Variants in ZNF248 observed in about 807,000 individuals in gnomAD.
The protein encoded by ZNF248 is KRAB protein domain.
In ZNF248, 20 loss-of-function variants were observed where a neutral mutation model predicts 44.3. The observed-to-expected ratio is 0.45, with a 90% CI of 0.32 to 0.66. ZNF248 has a LOEUF of 0.66. Ranked by LOEUF, ZNF248 falls within the 30% of genes least tolerant of loss-of-function variation. The pLI, the probability that ZNF248 is intolerant of heterozygous loss-of-function variation, is 0.04. For missense variants in ZNF248, 654 were observed against 677.0 expected, an observed-to-expected ratio of 0.97 and a Z score of 0.38; for synonymous variants, 224 against 229.0, an observed-to-expected ratio of 0.98 and a Z score of 0.20.
chr10:37,855,006 G>T (rs920604361), intron 3 of ZNF248, among the ~76,000 whole-genome samples: 1 of 152,332 alleles, frequency 6.6e-6, no homozygotes, highest in Admixed American at 6.5e-5. Context: ...TTAAAAAGAT[G>T]CCAGGAATGC....
chr10:37,834,425 A>C (rs2056656517), intron 5 of ZNF248, among the ~76,000 whole-genome samples: 1 of 152,208 alleles, frequency 6.6e-6, no homozygotes, highest in Non-Finnish European at 1.5e-5. Flanking sequence ...ACGAAGACAA[A>C]ATATGGGAAT....
In ZNF248 at chr10:37,819,855, C is replaced by T. The variant is rs2053170924; in HGVS notation, c.330+13170G>A. On this transcript the variant is annotated intron_variant, in intron 6 of 6. Coordinates refer to the ZNF248 transcript ENST00000615949. The stretch of plus-strand genomic sequence containing the variant: ...AACATTTTCCGTTGTCTATCTCTTC[C>T]CTCTGTGAATTTATCCTTTTCTGAT... The T allele has an allele frequency of 3.1e-5, 24 of 785,958 alleles. 1 individual carries two copies. The highest frequency in any genetic ancestry group is 2.4e-4 in the South Asian group (18 of 74,464). The allele number at this position is 785,958 out of a possible 1,614,324, so 48.7% of individuals were successfully genotyped here. A position where few individuals can be genotyped will look rare whatever the true frequency, so the allele number is the denominator to read the frequency against.
At chr10:37,802,631 G>C (rs1041914955) in intron 6 of ZNF248, among the ~76,000 whole-genome samples, 1 of 152,086 alleles carries the variant, frequency 6.6e-6, no homozygotes, top group Non-Finnish European at 1.5e-5. Context: ...AAATGCCCTG[G>C]CTGTACTGTT....
intron 6 of ZNF248, chr10:37,791,674 GA>G (rs1365859364): frequency 6.6e-6 from 1 of 152,138 alleles, no homozygotes; most frequent in Non-Finnish European, 1.5e-5. Context: ...ACAAAAAGAA[GA>G]AAGCCATTTG....
chr10:37,849,998 G>A (rs2059964411), intron 3 of ZNF248, among the ~76,000 whole-genome samples: 1 of 152,030 alleles, frequency 6.6e-6, no homozygotes, highest in Non-Finnish European at 1.5e-5. Context: ...TTGAACCTGG[G>A]GGGCAGAGGT....
At position 37,803,085 on chromosome 10, in the gene ZNF248, G is replaced by A. The variant is rs143375341; in HGVS notation, c.331-26510C>T. 5.6e-3 allele frequency: 850 copies of A among 152,286 alleles called. 3 individuals carry two copies. The highest frequency in any genetic ancestry group is 7.2e-3 in the Non-Finnish European group (489 of 68,082). The allele number at this position is 152,286 out of a possible 1,614,324, so 9.4% of individuals were successfully genotyped here. ...GCAGTCCTCCCATGTCGGCCTCCCA[G>A]AGTGCTGGGATTACAGGCATGAGCC... is the stretch of plus-strand genomic sequence containing the variant. On this transcript the variant is annotated intron_variant, in intron 6 of 6. Coordinates refer to the ZNF248 transcript ENST00000615949.
chr10:37,837,489 A>G (rs2057462702), intron 5 of ZNF248, 128 bp downstream of exon 5: 1 of 712,626 alleles, frequency 1.4e-6, no homozygotes, highest in Non-Finnish European at 2.3e-6. Flanking sequence ...ATTGTTTTTG[A>G]TCATTTCCAA....
chr10:37,820,014 T>C (rs998949801), intron 6 of ZNF248: 1 of 784,844 alleles, frequency 1.3e-6, no homozygotes, highest in Non-Finnish European at 2.3e-6. Flanking sequence ...TCTTCTCTTT[T>C]TGACTTTTCT....
At chr10:37,768,958 G>C in the ZNF248 span, among the ~76,000 whole-genome samples, 3 of 152,168 alleles carry the variant, frequency 2.0e-5, no homozygotes, top group African/African-American at 4.8e-5. Flanking sequence ...TGATCCCATA[G>C]AAATACAAAC....
downstream of ZNF248, among the ~76,000 whole-genome samples, chr10:37,826,366 G>A (rs1161038426): frequency 6.6e-6 from 1 of 152,154 alleles, no homozygotes; most frequent in African/African-American, 2.4e-5. Context: ...GTAAAGTCAT[G>A]TCAGTGATTT....
chr10:37,804,652 G>T (rs538348123), intron 6 of ZNF248, among the ~76,000 whole-genome samples: 2 of 152,160 alleles, frequency 1.3e-5, no homozygotes, highest in African/African-American at 2.4e-5. Flanking sequence ...GGCCAGGCTG[G>T]TCTCGAACTC....
intron 6 of ZNF248, among the ~76,000 whole-genome samples, chr10:37,780,699 C>G (rs2132877183): frequency 6.6e-6 from 1 of 152,270 alleles, no homozygotes. Context: ...CGCGCGGGGC[C>G]TGGACGCGCG....
intron 6 of ZNF248, chr10:37,820,513 T>C: frequency 1.2e-6 from 2 of 1,601,390 alleles, no homozygotes. Flanking sequence ...AATGTTGCGG[T>C]GAGGATCGTG....
intron 6 of ZNF248, among the ~76,000 whole-genome samples, chr10:37,816,472 A>G (rs574547958): frequency 1.3e-5 from 2 of 152,112 alleles, no homozygotes; most frequent in Non-Finnish European, 2.9e-5. Flanking sequence ...CGTAACCACA[A>G]TTTGCCATAC....
intron 3 of ZNF248, among the ~76,000 whole-genome samples, chr10:37,840,663 AT>A (rs960542613): frequency 2.0e-5 from 3 of 152,108 alleles, no homozygotes; most frequent in African/African-American, 7.2e-5. Flanking sequence ...CACACCTGTA[AT>A]CCCAGCTACT....
chr10:37,831,009 T>G lies in ZNF248; in HGVS notation c.*606A>C. 1.2e-6 allele frequency: 1 copy of G among 855,562 alleles called. No individual in the cohort carries two copies. The highest frequency in any genetic ancestry group is 1.5e-6 in the Non-Finnish European group (1 of 666,178). The allele number at this position is 855,562 out of a possible 1,614,324, so 53.0% of individuals were successfully genotyped here. A position where few individuals can be genotyped will look rare whatever the true frequency, so the allele number is the denominator to read the frequency against. On this transcript the variant is annotated 3_prime_UTR_variant, in exon 6 of 6. Transcript: ENST00000395867. ...GGTTATACTAGCACATCACTATATT[T>G]AAGTATGTGTGTAGAAATATATTTA...
downstream of ZNF248, among the ~76,000 whole-genome samples, chr10:37,773,963 A>T (rs1266084786): frequency 6.6e-6 from 1 of 151,004 alleles, no homozygotes; most frequent in Non-Finnish European, 1.5e-5. Context: ...CCCTATAATC[A>T]CATAAACCAA....
At chr10:37,790,688 G>A (rs1464872598) in intron 6 of ZNF248, among the ~76,000 whole-genome samples, 3 of 150,046 alleles carry the variant, frequency 2.0e-5, no homozygotes, top group South Asian at 2.1e-4. Flanking sequence ...CCAGCCTGGC[G>A]ACAGAGCGAG....
downstream of ZNF248, among the ~76,000 whole-genome samples, chr10:37,773,988 TACACACACACAC>T (rs139568981): frequency 1.3e-5 from 2 of 149,166 alleles, no homozygotes; most frequent in African/African-American, 4.9e-5. Context: ...TGAAAATGAA[TACACACACACAC>T]ACACACACAC....
Sources: gnomAD v4.1 joint callset for allele counts (sites outside exome capture counted in the v4.1 genomes callset) on GRCh38, gnomAD v4.1.1 for gene constraint, MANE v1.5 for transcripts, NCBI Gene and HGNC (gene_info 2026-07-23, HGNC 2026-07-21) for gene names.